Variants in CAMTA2 observed in about 807,000 individuals in gnomAD.
CAMTA2 encodes the protein calmodulin-binding transcription activator 2.
A neutral mutation model predicts 135.7 loss-of-function variants in CAMTA2; 56 were observed. The ratio of observed to expected loss-of-function variants is 0.41; its 90% CI spans 0.33 to 0.52. The LOEUF is 0.52. CAMTA2 is among the 20% of genes least tolerant of loss of function. The probability of loss-of-function intolerance (pLI) is 0.16; values close to 1 mark genes in which losing one functional copy is unlikely to be tolerated. For synonymous variants in CAMTA2, 591 were observed against 604.6 expected, an observed-to-expected ratio of 0.98 and a Z score of 0.33; for missense variants, 1,358 against 1,553.4, an observed-to-expected ratio of 0.87 and a Z score of 2.11.
intron 14 of CAMTA2, 33 bp from the exon 15 acceptor site, chr17:4,973,024 G>C (rs761492249): frequency 2.5e-6 from 4 of 1,585,860 alleles, no homozygotes; most frequent in South Asian, 2.2e-5. Context: ...CGGAGACGGA[G>C]GTGGAGGTGA....
In CAMTA2 at chr17:4,973,261, G is replaced by A; in HGVS notation, c.2202-8C>T. 1 of 1,609,846 alleles carries A rather than the reference G, an allele frequency of 6.2e-7. No homozygotes were observed. The highest frequency in any genetic ancestry group is 8.5e-7 in the Non-Finnish European group (1 of 1,176,096). On this transcript the variant is annotated splice_polypyrimidine_tract_variant and splice_region_variant and intron_variant, in intron 13 of 22. Coordinates refer to ENST00000348066, the MANE Select transcript of CAMTA2 (RefSeq NM_015099.4). ...CTTCCAGTCTCCACACTCCTGGAGG[G>A]TTTGGGAGAGAGACAGCAGAGCCCA...
Position 4,974,409 on chromosome 17 carries a change from C to G in CAMTA2, c.1992G>C (p.Gln664His). 6.2e-7 allele frequency: 1 copy of G among 1,613,392 alleles called. No homozygotes were observed. Among genetic ancestry groups the G allele is most frequent in the Non-Finnish European group, 8.5e-7 (1 of 1,179,392 alleles). ...CCTGAACTGGAGGAGCATCAGGACC[C>G]TGGCAAGGCACCTGCCCAGCTGCTG... is the stretch of plus-strand genomic sequence containing the variant. ...EIAAAGQVPC[Q>H]GPDAPPVQDE... Residue 664 changes from glutamine to histidine, a missense_variant, in exon 12 of 23, where the codon CAG (glutamine) becomes CAC (histidine). Around this residue, in one of 4 missense-constraint regions of CAMTA2, gnomAD observed 1,077 missense variants for 1,127.5 expected, o/e 0.96. Coordinates refer to ENST00000348066, the MANE Select transcript of CAMTA2 (RefSeq NM_015099.4).
At chr17:4,974,701 CCA>C (rs1222784494) in intron 11 of CAMTA2, 57 of 528,306 alleles carry the variant, frequency 1.1e-4, no homozygotes, top group Middle Eastern at 4.2e-4. Context: ...TTAATACTAC[CCA>C]CTGATCTAGA....
In CAMTA2 at chr17:4,981,331, A is replaced by G; in HGVS notation, c.594T>C (p.Asn198=). Residue 198 remains asparagine (N), a synonymous_variant, in exon 8 of 23, where the codon AAT becomes AAC. Coordinates refer to ENST00000348066, the MANE Select transcript of CAMTA2 (RefSeq NM_015099.4). ...MFHGIKWSCG[N]GTEEFSVEHL... ...GTTCTACAGAGAACTCTTCTGTTCC[A>G]TTCCCGCAGCTCCACTTGATGCCAT... 6.2e-7 allele frequency: 1 copy of G among 1,614,072 alleles called. No individual in the cohort carries two copies. Among genetic ancestry groups the G allele is most frequent in the East Asian group, 2.2e-5 (1 of 44,888 alleles).
chr17:4,977,318 C>A, intron 10 of CAMTA2, 126 bp from the exon 11 acceptor site: 2 of 1,239,994 alleles, frequency 1.6e-6, no homozygotes, highest in Non-Finnish European at 1.1e-6. Context: ...CCAAGAGGCC[C>A]CTGGCTTCAG....
chr17:4,974,436 G>T lies in CAMTA2; in HGVS notation c.1965C>A (p.Ile655=). The part of the protein sequence containing the change: ...LEQMEKRMAE[I]AAAGQVPCQG... ...GGCAAGGCACCTGCCCAGCTGCTGC[G>T]ATCTCTGCCATCCGCTTCTCCATCT... The change falls in exon 12 of 23, where the codon ATC becomes ATA. Residue 655 remains isoleucine, a synonymous_variant. Transcript: ENST00000348066. The T allele has an allele frequency of 1.2e-6, 2 of 1,613,920 alleles. No individual in the cohort carries two copies. The highest frequency in any genetic ancestry group is 1.3e-5 in the African/African-American group (1 of 74,984).
chr17:4,987,646 C>G lies in CAMTA2; in HGVS notation c.-118G>C, dbSNP rs1028089396. On this transcript the variant is annotated 5_prime_UTR_variant, in exon 1 of 23. Transcript: ENST00000348066. ...AGCGGCCATTCTACCCCACACCGACCCCCCCCAGCGCCGGCTGACAGCGGC... is the reference window on the plus strand; with the variant it reads ...AGCGGCCATTCTACCCCACACCGACGCCCCCCAGCGCCGGCTGACAGCGGC... The G allele has an allele frequency of 5.3e-5, 81 of 1,522,274 alleles. No individual in the cohort carries two copies. The African/African-American group carries it at 9.4e-4, about 18-fold the overall frequency. 94.3% of individuals were successfully genotyped at this position (1,522,274 alleles called of 1,614,324 possible).
intron 3 of CAMTA2, among the ~76,000 whole-genome samples, chr17:4,984,971 C>A (rs1405838955): frequency 6.7e-6 from 1 of 149,968 alleles, no homozygotes; most frequent in Non-Finnish European, 1.5e-5. Flanking sequence ...GAGCCGAGAT[C>A]GCGCCACTGC....
Position 4,980,494 on chromosome 17 carries a change from T to C in CAMTA2, c.828A>G (p.Ile276Met), listed in dbSNP as rs755278383. The change falls in exon 9 of 23, where the codon ATA becomes ATG. Residue 276 changes from isoleucine (I) to methionine (M), a missense_variant. This residue lies in a region of CAMTA2 where 1,077 missense variants were observed against 1,127.5 expected (regional missense o/e 0.96). Transcript: ENST00000348066. The surrounding 1 kb of genome is among the most constrained non-coding windows in gnomAD (Gnocchi z 5.3). ...TGGGGAGCTCTGGGGGAAGTGGGGC[T>C]ATCAGTGGAGGAGGCTCTGGGGGGT... ...HAHPPEPPPL[I>M]APLPPELPKA... 6.3e-7 allele frequency: 1 copy of C among 1,588,408 alleles called. No individual in the cohort carries two copies. Among genetic ancestry groups the C allele is most frequent in the Non-Finnish European group, 8.6e-7 (1 of 1,168,540 alleles).
intron 11 of CAMTA2, among the ~76,000 whole-genome samples, chr17:4,976,398 A>C (rs1972620715): frequency 6.6e-6 from 1 of 152,180 alleles, no homozygotes; most frequent in African/African-American, 2.4e-5. Context: ...AAACAATAGA[A>C]ATTTAAATAT....
intron 1 of CAMTA2, chr17:4,987,130 G>A (rs1973395359): frequency 7.3e-7 from 1 of 1,360,804 alleles, no homozygotes; most frequent in Non-Finnish European, 9.4e-7. Flanking sequence ...TCCGCCCCAG[G>A]GCGCAGGTGC....
Position 4,972,897 on chromosome 17 carries a change from A to C in CAMTA2, c.2375T>G (p.Leu792Arg). 4 of 1,613,946 alleles carry C rather than the reference A, an allele frequency of 2.5e-6. No homozygotes were observed. The highest frequency in any genetic ancestry group is 3.4e-6 in the Non-Finnish European group (4 of 1,180,026). The change falls in exon 15 of 23, where the codon CTG becomes CGG. Residue 792 changes from leucine (L) to arginine (R), a missense_variant. Physicochemically the swap from Leu to Arg is moderately radical, Grantham distance 102. Transcript: ENST00000348066. ...CCGGGAATGAGCCACAGACAATGGC[A>C]GACGGCCCAGAGAGTCGGGAATGCT... ...ALSIPDSLGR[L>R]PLSVAHSRGH...
rs1972915737 is a variant in CAMTA2 at position 4,980,793 on chromosome 17, A to ATTCCCC, written c.701-178_701-173dup. On this transcript the variant is annotated intron_variant, in intron 8 of 22. Coordinates refer to ENST00000348066, the MANE Select transcript of CAMTA2 (RefSeq NM_015099.4). This position sits in a 1 kb window ranked among gnomAD's most constrained non-coding sequence, Gnocchi z 5.3. Reference sequence around the variant, plus strand: ...TGTCTGTTCTCTACCCCTACCCTTTATTCCCCCTCCCCCTCTCCATTTCCC... The same window carrying ATTCCCC: ...TGTCTGTTCTCTACCCCTACCCTTTATTCCCCTTCCCCCTCCCCCTCTCCATTTCCC... Among the ~76,000 whole-genome samples the ATTCCCC allele has an allele frequency of 6.6e-6, 1 of 151,942 alleles. No homozygotes were observed. The highest frequency in any genetic ancestry group is 2.1e-4 in the South Asian group (1 of 4,824).
Position 4,979,526 on chromosome 17 carries a change from AAAAGAG to A in CAMTA2, c.1638+152_1638+157del. 12 of 465,858 alleles carry A rather than the reference AAAAGAG, an allele frequency of 2.6e-5. No individual in the cohort carries two copies. The East Asian group carries it at 3.8e-4, about 15-fold the overall frequency. 28.9% of individuals were successfully genotyped at this position (465,858 alleles called of 1,614,324 possible). A position where few individuals can be genotyped will look rare whatever the true frequency, so the allele number is the denominator to read the frequency against. On this transcript the variant is annotated intron_variant, in intron 9 of 22. Coordinates refer to ENST00000348066, the MANE Select transcript of CAMTA2 (RefSeq NM_015099.4). ...ACTGTCTCAAAAAAAAAAAAAAAAA[AAAAGAG>A]AGAGATTAGGTAGAGGACTAAGAAG...
At position 4,987,632 on chromosome 17, in the gene CAMTA2, T is replaced by C. The variant is rs1370018785; in HGVS notation, c.-104A>G. The C allele has an allele frequency of 9.2e-6, 14 of 1,525,560 alleles. No homozygotes were observed. Among genetic ancestry groups the C allele is most frequent in the East Asian group, 7.6e-5 (3 of 39,488 alleles). 94.5% of individuals were successfully genotyped at this position (1,525,560 alleles called of 1,614,324 possible). A position where few individuals can be genotyped will look rare whatever the true frequency, so the allele number is the denominator to read the frequency against. On this transcript the variant is annotated 5_prime_UTR_variant, in exon 1 of 23. Coordinates refer to ENST00000348066, the MANE Select transcript of CAMTA2 (RefSeq NM_015099.4). ...CGGGTGACGGCGGCAGCGGCCATTC[T>C]ACCCCACACCGACCCCCCCCAGCGC...
At position 4,980,543 on chromosome 17, in the gene CAMTA2, G is replaced by A. The variant is rs538384716; in HGVS notation, c.779C>T (p.Thr260Ile). The change falls in exon 9 of 23, where the codon ACC becomes ATC. Residue 260 changes from threonine (T) to isoleucine (I), a missense_variant. Physicochemically the swap from Thr to Ile is moderately conservative, Grantham distance 89. This residue lies in a region of CAMTA2 where 1,077 missense variants were observed against 1,127.5 expected (regional missense o/e 0.96). Coordinates refer to ENST00000348066, the MANE Select transcript of CAMTA2 (RefSeq NM_015099.4). This position sits in a 1 kb window ranked among gnomAD's most constrained non-coding sequence, Gnocchi z 5.3. ...ISPKVEPRAL[T>I]LTSIPHAHPP... Reference sequence around the variant, plus strand: ...GTGAGCGTGGGGGATAGAGGTCAGGGTTAAAGCTCGGGGCTCCACTTTGGG... The same window carrying A: ...GTGAGCGTGGGGGATAGAGGTCAGGATTAAAGCTCGGGGCTCCACTTTGGG... 1.8e-5 allele frequency: 29 copies of A among 1,613,814 alleles called. 1 individual carries two copies. The South Asian group carries it at 3.2e-4, about 18-fold the overall frequency.
chr17:4,973,245 T>A lies in CAMTA2; in HGVS notation c.2210A>T (p.Glu737Val), dbSNP rs199665824. The A allele has an allele frequency of 6.2e-7, 1 of 1,613,386 alleles. No homozygotes were observed. Among genetic ancestry groups the A allele is most frequent in the Non-Finnish European group, 8.5e-7 (1 of 1,179,466 alleles). The part of the protein sequence containing the change: ...IETLSQWRSV[E>V]TGSLDLEQEV... The stretch of plus-strand genomic sequence containing the variant: ...CTGCTCTAAGTCCAAGCTTCCAGTC[T>A]CCACACTCCTGGAGGGTTTGGGAGA... Residue 737 changes from glutamate (E) to valine (V), a missense_variant, in exon 14 of 23, where the codon GAG becomes GTG. Around this residue, in one of 4 missense-constraint regions of CAMTA2, gnomAD observed 1,077 missense variants for 1,127.5 expected, o/e 0.96. Coordinates refer to ENST00000348066, the MANE Select transcript of CAMTA2 (RefSeq NM_015099.4).
At position 4,982,124 on chromosome 17, in the gene CAMTA2, G is replaced by A; in HGVS notation, c.376C>T (p.Pro126Ser). Residue 126 changes from proline (P) to serine (S), a missense_variant, in exon 6 of 23, where the codon CCC (proline) becomes TCC (serine). Physicochemically the swap from Pro to Ser is moderately conservative, Grantham distance 74. Transcript: ENST00000348066. ...CAGTAGCAGCGCCGATGGAATGTGGGGACGATGGAAGAGTGAACGTAGCAG... is the reference window on the plus strand; with the variant it reads ...CAGTAGCAGCGCCGATGGAATGTGGAGACGATGGAAGAGTGAACGTAGCAG... ...YGCYVHSSIV[P>S]TFHRRCYWLL... 6.2e-7 allele frequency: 1 copy of A among 1,612,100 alleles called. No individual in the cohort carries two copies.
At chr17:4,984,541 T>C (rs1217462629) in intron 3 of CAMTA2, among the ~76,000 whole-genome samples, 3 of 152,256 alleles carry the variant, frequency 2.0e-5, no homozygotes, top group Non-Finnish European at 4.4e-5. Context: ...AAACGCTCTA[T>C]AGCACTTACA....
Sources: allele counts gnomAD v4.1 joint callset (sites outside exome capture counted in the v4.1 genomes callset), GRCh38; gene constraint gnomAD v4.1.1; regional missense constraint gnomAD v4.1.1; non-coding constraint Gnocchi (gnomAD v3.1); transcripts MANE v1.5; gene names NCBI Gene and HGNC (gene_info 2026-07-23, HGNC 2026-07-21).